The following PRDM5 variants were observed in gnomAD, a reference collection of about 807,000 sequenced individuals.
The protein encoded by PRDM5 is PR/SET domain 5, also known as PR domain zinc finger protein 5.
PRDM5 carries 56 observed loss-of-function variants against 81.2 expected under a neutral mutation model. That is an observed-to-expected ratio of 0.69 (90% CI 0.56 to 0.86). The LOEUF (loss-of-function observed/expected upper bound fraction) is 0.86. Among genes scored for constraint, PRDM5 ranks in the 40% least tolerant of loss-of-function variants. PRDM5 has a pLI of 0.00. For synonymous variants in PRDM5, 267 were observed against 256.4 expected, an observed-to-expected ratio of 1.04 and a Z score of -0.39; for missense variants, 697 against 770.1, an observed-to-expected ratio of 0.91 and a Z score of 1.12.
At chr4:120,853,581 A>G in intron 2 of PRDM5, 41 bp from the exon 3 acceptor site, 1 of 1,612,914 alleles carries the variant, frequency 6.2e-7, no homozygotes, top group South Asian at 1.1e-5. Context: ...TGGAAGTCAG[A>G]ATATTAGCCT....
intron 14 of PRDM5, among the ~76,000 whole-genome samples, chr4:120,741,516 C>T (rs1741950149): frequency 1.3e-5 from 2 of 151,528 alleles, no homozygotes; most frequent in South Asian, 4.2e-4. Context: ...TCTGAGGTAC[C>T]GGGTTCATCT....
chr4:120,706,715 A>C (rs1736213294), intron 15 of PRDM5, among the ~76,000 whole-genome samples: 1 of 41,678 alleles, frequency 2.4e-5, no homozygotes, highest in African/African-American at 9.0e-5. Context: ...CTGGTTTTAT[A>C]TATATATATA....
chr4:120,711,576 C>T (rs752031266), intron 14 of PRDM5, among the ~76,000 whole-genome samples: 1 of 151,746 alleles, frequency 6.6e-6, no homozygotes. Flanking sequence ...TCCCAAAGTG[C>T]TGAGATTACA....
rs537488847 is a variant in PRDM5 at position 120,891,963 on chromosome 4, C to A, written c.177+15511G>T. On this transcript the variant is annotated intron_variant, in intron 2 of 15. Coordinates refer to ENST00000264808, the MANE Select transcript of PRDM5 (RefSeq NM_018699.4). ...AATGTTTAGCACCATAAAGTTCACT[C>A]TTAACACTGCTTTAGCTGTATCGCC... 4.6e-5 allele frequency among the ~76,000 whole-genome samples: 7 copies of A among 152,286 alleles called. No homozygotes were observed. In the South Asian group the frequency reaches 1.5e-3, roughly 32 times the overall value.
rs916942836 is a variant in PRDM5, at chr4:120,714,814, G to A, written c.1624-4401C>T. Among the ~76,000 whole-genome samples, 10 of 152,058 alleles carry A rather than the reference G, an allele frequency of 6.6e-5. No homozygotes were observed. In the East Asian group the frequency reaches 1.9e-3, roughly 29 times the overall value. On this transcript the variant is annotated intron_variant, in intron 14 of 15. Coordinates refer to ENST00000264808, the MANE Select transcript of PRDM5 (RefSeq NM_018699.4). ...GTGTTTGCTGCTGCCAGGCACTCTGGGATGCTATCAATCAAAGACTGTTTT... is the reference window on the plus strand; with the variant it reads ...GTGTTTGCTGCTGCCAGGCACTCTGAGATGCTATCAATCAAAGACTGTTTT...
chr4:120,795,186 A>G (rs906120261), intron 10 of PRDM5, among the ~76,000 whole-genome samples: 1 of 152,182 alleles, frequency 6.6e-6, no homozygotes, highest in African/African-American at 2.4e-5. Flanking sequence ...TAAATTCATG[A>G]GGGCAAAACC....
chr4:120,896,087 C>A (rs552823494), intron 2 of PRDM5: 1 of 152,282 alleles, frequency 6.6e-6, no homozygotes, highest in Non-Finnish European at 1.5e-5. Context: ...CAAACTGCTG[C>A]AATTATTTGC....
chr4:120,725,823 A>G (rs1179249161), intron 14 of PRDM5, among the ~76,000 whole-genome samples: 1 of 152,138 alleles, frequency 6.6e-6, no homozygotes, highest in Non-Finnish European at 1.5e-5. Context: ...CAGCCTGTAA[A>G]TCCACCCAGC....
intron 2 of PRDM5, among the ~76,000 whole-genome samples, chr4:120,904,439 T>C (rs1277235344): frequency 1.3e-5 from 2 of 152,126 alleles, no homozygotes; most frequent in Non-Finnish European, 2.9e-5. Context: ...TTCCCTTTTG[T>C]ACCTTCTGAA....
At chr4:120,702,906 T>G (rs1170400592) in intron 15 of PRDM5, among the ~76,000 whole-genome samples, 1 of 152,202 alleles carries the variant, frequency 6.6e-6, no homozygotes, top group Admixed American at 6.5e-5. Context: ...ACAATACATT[T>G]CCTAACTTGG....
At position 120,695,135 on chromosome 4, in the gene PRDM5, A is replaced by AT; in HGVS notation, c.1868dup (p.Asn623LysfsTer7). 1 of 1,613,296 alleles carries AT rather than the reference A, an allele frequency of 6.2e-7. No homozygotes were observed. The highest frequency in any genetic ancestry group is 8.5e-7 in the Non-Finnish European group (1 of 1,179,384). ...ATTAGCTGTCAGCTACACCATGGAT[A>AT]TTGTCCATGTGCACTTTGAGGTAGT... On this transcript the variant is annotated frameshift_variant, in exon 16 of 16. Coordinates refer to ENST00000264808, the MANE Select transcript of PRDM5 (RefSeq NM_018699.4). LOFTEE classifies it high-confidence loss of function.
intron 7 of PRDM5, among the ~76,000 whole-genome samples, chr4:120,813,492 T>A (rs1000744739): frequency 3.3e-5 from 5 of 152,208 alleles, no homozygotes; most frequent in Non-Finnish European, 5.9e-5. Context: ...TAGGACTGCA[T>A]TTATGAAAGA....
At chr4:120,809,934 G>T (rs531422947) in intron 8 of PRDM5, among the ~76,000 whole-genome samples, 1 of 151,390 alleles carries the variant, frequency 6.6e-6, no homozygotes, top group African/African-American at 2.4e-5. Context: ...AGTGTCTGAT[G>T]CCTGATGATC....
Position 120,781,165 on chromosome 4 carries a change from G to A in PRDM5, c.1421C>T (p.Ser474Leu), listed in dbSNP as rs754024988. Residue 474 changes from serine (S) to leucine (L), a missense_variant, in exon 12 of 16, where the codon TCA becomes TTA. Ser to Leu is a moderately radical substitution (Grantham distance 145). Coordinates refer to ENST00000264808, the MANE Select transcript of PRDM5 (RefSeq NM_018699.4). ...ELCNKAFVTP[S>L]VLRSHKKTHT... Reference sequence around the variant, plus strand: ...TACTTTCTTATGACTTCTAAGCACTGAAGGTGTAACAAAGGCCTTATTACA... The same window carrying A: ...TACTTTCTTATGACTTCTAAGCACTAAAGGTGTAACAAAGGCCTTATTACA... 1 of 1,613,326 alleles carries A rather than the reference G, an allele frequency of 6.2e-7. No homozygotes were observed.
At chr4:120,863,703 A>C (rs1216449478) in intron 2 of PRDM5, among the ~76,000 whole-genome samples, 3 of 152,344 alleles carry the variant, frequency 2.0e-5, no homozygotes, top group East Asian at 3.9e-4. Flanking sequence ...TCTAGCGATC[A>C]AATAAGGAAG....
chr4:120,903,792 C>T (rs2148667029), intron 2 of PRDM5, among the ~76,000 whole-genome samples: 1 of 152,286 alleles, frequency 6.6e-6, no homozygotes, highest in East Asian at 1.9e-4. Flanking sequence ...TTCTCTTGCA[C>T]AAGCTCTCTT....
intron 2 of PRDM5, among the ~76,000 whole-genome samples, chr4:120,901,451 T>TA (rs1393848178): frequency 1.3e-5 from 2 of 152,182 alleles, no homozygotes; most frequent in Non-Finnish European, 2.9e-5. Context: ...GAGACAGACG[T>TA]AGGAAAATAA....
intron 13 of PRDM5, among the ~76,000 whole-genome samples, chr4:120,763,254 T>C (rs565213413): frequency 3.3e-5 from 5 of 152,194 alleles, no homozygotes; most frequent in African/African-American, 1.2e-4. Context: ...GTGGATTTAC[T>C]GAGGGTGAAA....
intron 5 of PRDM5, among the ~76,000 whole-genome samples, chr4:120,817,414 AGCCTATG>A (rs1754675445): frequency 6.6e-6 from 1 of 152,184 alleles, no homozygotes; most frequent in South Asian, 2.1e-4. Flanking sequence ...GTAACATTAA[AGCCTATG>A]TTAAAGATTT....
Sources: gnomAD v4.1 joint callset for allele counts (sites outside exome capture counted in the v4.1 genomes callset) on GRCh38, gnomAD v4.1.1 for gene constraint, MANE v1.5 for transcripts, NCBI Gene and HGNC (gene_info 2026-07-23, HGNC 2026-07-21) for gene names.